Variants in NCAM1 observed in about 807,000 individuals in gnomAD.
NCAM1 encodes neural cell adhesion molecule 1, also known as antigen recognized by monoclonal antibody 5.1H11.
A neutral mutation model predicts 109.8 loss-of-function variants in NCAM1; 14 were observed. The ratio of observed to expected loss-of-function variants is 0.13; its 90% confidence interval spans 0.08 to 0.20. The LOEUF (loss-of-function observed/expected upper bound fraction) is 0.20, where lower values mean the gene tolerates loss of function less well. NCAM1 is among the 10% of genes least tolerant of loss of function. NCAM1 has a pLI of 1.00. For synonymous variants in NCAM1, 418 were observed against 442.9 expected (o/e 0.94, Z 0.70); for missense variants, 774 against 1,109.9 (o/e 0.70, Z 4.30).
At chr11:112,990,998 G>T (rs1015709571) in intron 1 of NCAM1, among the ~76,000 whole-genome samples, 2 of 152,142 alleles carry the variant, frequency 1.3e-5, no homozygotes. Context: ...TATTGTTACT[G>T]TTGGGAGCTA....
intron 1 of NCAM1, among the ~76,000 whole-genome samples, chr11:113,033,108 A>G (rs995652624): frequency 6.6e-6 from 1 of 151,980 alleles, no homozygotes; most frequent in Non-Finnish European, 1.5e-5. Flanking sequence ...CATTCAGTCA[A>G]CTCCCTGGAA....
chr11:113,150,152 A>G (rs1388937902), intron 1 of NCAM1, among the ~76,000 whole-genome samples: 1 of 152,268 alleles, frequency 6.6e-6, no homozygotes, highest in East Asian at 1.9e-4. Context: ...GTAAAAGTCA[A>G]TTGCGAAAAA....
chr11:113,015,285 C>A (rs1555075100), intron 1 of NCAM1, among the ~76,000 whole-genome samples: 2 of 152,178 alleles, frequency 1.3e-5, no homozygotes, highest in African/African-American at 4.8e-5. Flanking sequence ...AGCTGGCAAG[C>A]CATAGGGGTT....
At chr11:113,234,688 A>T (rs113886534) in intron 13 of NCAM1, among the ~76,000 whole-genome samples, 1 of 152,260 alleles carries the variant, frequency 6.6e-6, no homozygotes, top group African/African-American at 2.4e-5. Flanking sequence ...TCATGTATCC[A>T]TTCATCAGTC....
At chr11:113,175,262 G>A (rs1295416025) in intron 1 of NCAM1, among the ~76,000 whole-genome samples, 1 of 152,226 alleles carries the variant, frequency 6.6e-6, no homozygotes, top group African/African-American at 2.4e-5. Context: ...GTGAATGACA[G>A]CACCACAATA....
intron 1 of NCAM1, among the ~76,000 whole-genome samples, chr11:113,177,509 C>T (rs1555107248): frequency 6.6e-6 from 1 of 152,218 alleles, no homozygotes; most frequent in African/African-American, 2.4e-5. Flanking sequence ...CCTCAGCTCA[C>T]TGCAACCTCT....
Position 113,015,750 on chromosome 11 carries a change from A to G in NCAM1, c.52+54086A>G, listed in dbSNP as rs576565669. On this transcript the variant is annotated intron_variant, in intron 1 of 19. Coordinates refer to ENST00000316851, the MANE Select transcript of NCAM1 (RefSeq NM_181351.5). ...CATCTAAAAAAAAACAAAAACAAAA[A>G]CAAAAAAAAGAAAAAAAGATAGCGT... Among the ~76,000 whole-genome samples the G allele has an allele frequency of 8.5e-5, 13 of 152,170 alleles. No individual in the cohort carries two copies. In the South Asian group the frequency reaches 2.7e-3, roughly 32 times the overall value.
chr11:113,117,719 A>G (rs938069420), intron 1 of NCAM1, among the ~76,000 whole-genome samples: 1 of 152,076 alleles, frequency 6.6e-6, no homozygotes, highest in Non-Finnish European at 1.5e-5. Flanking sequence ...ACCACTTATA[A>G]ATCTGTGAGA....
At chr11:113,163,622 T>C (rs534811033) in intron 1 of NCAM1, among the ~76,000 whole-genome samples, 2 of 152,294 alleles carry the variant, frequency 1.3e-5, no homozygotes, top group South Asian at 2.1e-4. Context: ...GAGAGGCCAG[T>C]AGGGAGTGCC....
intron 1 of NCAM1, among the ~76,000 whole-genome samples, chr11:112,978,134 T>C (rs1951055203): frequency 6.6e-6 from 1 of 151,818 alleles, no homozygotes; most frequent in African/African-American, 2.4e-5. Flanking sequence ...TCTATAATTT[T>C]GTAAGCATTT....
At chr11:113,179,018 C>T (rs1037949521) in intron 1 of NCAM1, among the ~76,000 whole-genome samples, 2 of 152,128 alleles carry the variant, frequency 1.3e-5, no homozygotes, top group Non-Finnish European at 2.9e-5. Context: ...TGAGAATCAA[C>T]CATACGCATC....
chr11:113,038,315 C>T (rs998507282), intron 1 of NCAM1, among the ~76,000 whole-genome samples: 23 of 152,300 alleles, frequency 1.5e-4, no homozygotes, highest in African/African-American at 5.3e-4. Flanking sequence ...CCTCTCTGTG[C>T]AGAATCCCTT....
At chr11:113,231,082 C>A in intron 9 of NCAM1, 1 of 1,056,112 alleles carries the variant, frequency 9.5e-7, no homozygotes, top group Non-Finnish European at 1.4e-6. Context: ...AGTTGTTTGG[C>A]TTGTTTTTAC....
intron 1 of NCAM1, among the ~76,000 whole-genome samples, chr11:113,004,152 T>C (rs1392742067): frequency 6.6e-6 from 1 of 152,256 alleles, no homozygotes; most frequent in Non-Finnish European, 1.5e-5. Context: ...TTTATGTTCT[T>C]ATTTTTCTTC....
chr11:113,273,027 A>G lies in NCAM1; in HGVS notation c.2456+1151A>G, dbSNP rs1347467693. 8 of 456,104 alleles carry G rather than the reference A, an allele frequency of 1.8e-5. No homozygotes were observed. Among genetic ancestry groups the G allele is most frequent in the Admixed American group, 1.4e-4 (6 of 42,496 alleles). 28.3% of individuals were successfully genotyped at this position (456,104 alleles called of 1,614,324 possible). Reference sequence around the variant, plus strand: ...TGACACTATCACCGAAACCTTTGCCACTGCTCAGAACAGCCCCACCAGTGA... The same window carrying G: ...TGACACTATCACCGAAACCTTTGCCGCTGCTCAGAACAGCCCCACCAGTGA... On this transcript the variant is annotated intron_variant, in intron 19 of 19. Transcript: ENST00000316851. This position sits in a 1 kb window ranked among gnomAD's most constrained non-coding sequence, Gnocchi z 6.0.
intron 1 of NCAM1, among the ~76,000 whole-genome samples, chr11:112,966,956 G>A (rs1397231199): frequency 1.3e-5 from 2 of 152,188 alleles, no homozygotes; most frequent in Non-Finnish European, 2.9e-5. Flanking sequence ...GGTGTATCTT[G>A]TGTATGTGTG....
intron 1 of NCAM1, among the ~76,000 whole-genome samples, chr11:113,055,267 G>A (rs1953652167): frequency 6.6e-6 from 1 of 152,040 alleles, no homozygotes; most frequent in Non-Finnish European, 1.5e-5. Flanking sequence ...CTGCCTCCTA[G>A]GCCCCAAACA....
At chr11:113,097,378 C>T (rs1213343344) in intron 1 of NCAM1, among the ~76,000 whole-genome samples, 2 of 152,130 alleles carry the variant, frequency 1.3e-5, no homozygotes, top group Non-Finnish European at 2.9e-5. Flanking sequence ...TATATTTTTC[C>T]AAGACTTAAC....
intron 1 of NCAM1, among the ~76,000 whole-genome samples, chr11:113,167,407 TG>T (rs1452670970): frequency 6.6e-6 from 1 of 152,128 alleles, no homozygotes; most frequent in Non-Finnish European, 1.5e-5. Context: ...CCTCCTGATA[TG>T]GTGCTGACTT....
Sources: allele counts gnomAD v4.1 joint callset (sites outside exome capture counted in the v4.1 genomes callset), GRCh38; gene constraint gnomAD v4.1.1; non-coding constraint Gnocchi (gnomAD v3.1); transcripts MANE v1.5; gene names NCBI Gene and HGNC (gene_info 2026-07-23, HGNC 2026-07-21).